Variants in MTO1 observed in about 807,000 individuals in gnomAD.
MTO1 encodes the protein mitochondrial tRNA translation optimization 1, also known as 5-taurinomethyluridine-[tRNA] synthase subunit MTO1, mitochondrial.
In MTO1, 46 loss-of-function variants were observed where a neutral mutation model predicts 71.6. That is an observed-to-expected ratio of 0.64 (90% CI 0.51 to 0.82). MTO1 has a LOEUF of 0.82. MTO1 is among the 40% of genes least tolerant of loss of function. The probability of loss-of-function intolerance (pLI) is 0.00; values close to 1 mark genes in which losing one functional copy is unlikely to be tolerated. For synonymous variants in MTO1, 297 were observed against 312.1 expected (o/e 0.95, Z 0.51); for missense variants, 773 against 867.5 (o/e 0.89, Z 1.37).
At chr6:73,477,220 A>C (rs1208847572) in intron 4 of MTO1, among the ~76,000 whole-genome samples, 3 of 150,618 alleles carry the variant, frequency 2.0e-5, no homozygotes, top group Non-Finnish European at 4.4e-5. Flanking sequence ...ATATGGTGAA[A>C]CCTCACCTCT....
chr6:73,494,665 C>T (rs892229896), intron 10 of MTO1, among the ~76,000 whole-genome samples: 51 of 149,292 alleles, frequency 3.4e-4, no homozygotes, highest in African/African-American at 1.2e-3. Flanking sequence ...TTAGTAGAGA[C>T]GGGGTTTCAC....
Position 73,502,326 on chromosome 6 carries a change from C to T in MTO1, c.*1591C>T, listed in dbSNP as rs146071223. 1,731 of 152,272 alleles carry T rather than the reference C, an allele frequency of 0.011. 8 individuals carry two copies. Among genetic ancestry groups the T allele is most frequent in the Middle Eastern group, 0.044 (13 of 294 alleles). The allele number at this position is 152,272 out of a possible 1,614,324, so 9.4% of individuals were successfully genotyped here. A position where few individuals can be genotyped will look rare whatever the true frequency, so the allele number is the denominator to read the frequency against. On this transcript the variant is annotated 3_prime_UTR_variant, in exon 12 of 12. Transcript: ENST00000498286. ...AGGCGTGGTGGAGCAAGCCTGTAGT[C>T]CCAGCTACTCAGGAGGCTGAGGCAG...
chr6:73,463,090 C>T (rs1350806565), intron 1 of MTO1, among the ~76,000 whole-genome samples: 2 of 150,418 alleles, frequency 1.3e-5, no homozygotes, highest in African/African-American at 2.5e-5. Context: ...GTGGCGCCAT[C>T]TCGGCTCACT....
chr6:73,504,164 C>G lies in MTO1; in HGVS notation c.*3429C>G, dbSNP rs1299359203. On this transcript the variant is annotated 3_prime_UTR_variant, in exon 12 of 12. Transcript: ENST00000498286. ...GTTTTTATTTAGAGACAAGATCTCACTCTGCCACCCTGGCTGGAGTGCAGT... is the reference window on the plus strand; with the variant it reads ...GTTTTTATTTAGAGACAAGATCTCAGTCTGCCACCCTGGCTGGAGTGCAGT... 5 of 152,386 alleles carry G rather than the reference C, an allele frequency of 3.3e-5. No individual in the cohort carries two copies. In the South Asian group the frequency reaches 1.0e-3, roughly 32 times the overall value. The allele number at this position is 152,386 out of a possible 1,614,324, so 9.4% of individuals were successfully genotyped here.
In MTO1 at chr6:73,500,839, G is replaced by A; in HGVS notation, c.*104G>A. On this transcript the variant is annotated 3_prime_UTR_variant, in exon 12 of 12. Transcript: ENST00000498286. Reference sequence around the variant, plus strand: ...GCACATGTTAAAATAGCTTTATTAGGTTACTATGGGTTTGCCATTAATTTC... The same window carrying A: ...GCACATGTTAAAATAGCTTTATTAGATTACTATGGGTTTGCCATTAATTTC... The A allele has an allele frequency of 1.0e-6, 1 of 986,342 alleles. No homozygotes were observed. The highest frequency in any genetic ancestry group is 1.4e-6 in the Non-Finnish European group (1 of 737,972). The allele number at this position is 986,342 out of a possible 1,614,324, so 61.1% of individuals were successfully genotyped here.
chr6:73,496,180 A>T (rs1009406456), intron 10 of MTO1, among the ~76,000 whole-genome samples: 3 of 152,220 alleles, frequency 2.0e-5, no homozygotes, highest in Middle Eastern at 3.2e-3. Context: ...CAGAGATGAG[A>T]TGTTCTGGCT....
chr6:73,466,916 A>T (rs1771015830), intron 3 of MTO1, among the ~76,000 whole-genome samples: 1 of 152,046 alleles, frequency 6.6e-6, no homozygotes, highest in African/African-American at 2.4e-5. Flanking sequence ...TTCTGACTTT[A>T]ATTTTTTAAA....
chr6:73,477,286 C>G (rs1484484903), intron 4 of MTO1, among the ~76,000 whole-genome samples: 1 of 148,266 alleles, frequency 6.7e-6, no homozygotes, highest in Non-Finnish European at 1.5e-5. Context: ...ATCCCAGCTA[C>G]TCAGGAGGCT....
rs1248846755 is a variant in MTO1, at chr6:73,467,923, C to G, written c.535+1317C>G. The stretch of plus-strand genomic sequence containing the variant: ...ACAACCTGAGCCTCCCGGGTTCAAG[C>G]GATTCTCCTGCCTCAGCCTCCTGAG... On this transcript the variant is annotated intron_variant, in intron 3 of 11. Transcript: ENST00000498286. 2.6e-5 allele frequency among the ~76,000 whole-genome samples: 4 copies of G among 152,186 alleles called. No homozygotes were observed. In the East Asian group the frequency reaches 5.8e-4, roughly 22 times the overall value.
intron 11 of MTO1, among the ~76,000 whole-genome samples, chr6:73,498,734 T>A (rs746937829): frequency 1.1e-4 from 17 of 152,020 alleles, no homozygotes; most frequent in Non-Finnish European, 4.4e-5. Context: ...ATTGCATCTT[T>A]TTTTTTTTTG....
chr6:73,509,187 ATCT>A lies in MTO1; in HGVS notation c.*8456_*8458del, dbSNP rs1433448154. On this transcript the variant is annotated 3_prime_UTR_variant, in exon 12 of 12. Coordinates refer to ENST00000498286, the MANE Select transcript of MTO1 (RefSeq NM_012123.4). The stretch of plus-strand genomic sequence containing the variant: ...GTATTTAACCTCTGAAAACCACACA[ATCT>A]TCTATACGCTTTTTTCACTGGAATA... 1 of 152,172 alleles carries A rather than the reference ATCT, an allele frequency of 6.6e-6. No homozygotes were observed. Among genetic ancestry groups the A allele is most frequent in the East Asian group, 1.9e-4 (1 of 5,196 alleles). 9.4% of individuals were successfully genotyped at this position (152,172 alleles called of 1,614,324 possible).
chr6:73,464,852 A>C (rs907025229), intron 1 of MTO1, among the ~76,000 whole-genome samples: 3 of 150,058 alleles, frequency 2.0e-5, no homozygotes, highest in African/African-American at 4.9e-5. Flanking sequence ...AAAAAAAAAA[A>C]AAAAAAAAAC....
chr6:73,479,029 C>T lies in MTO1; in HGVS notation c.826-703C>T, dbSNP rs542473662. On this transcript the variant is annotated intron_variant, in intron 4 of 11. Coordinates refer to ENST00000498286, the MANE Select transcript of MTO1 (RefSeq NM_012123.4). ...TCAGCCTCCCGAGTAGCTGGGATTA[C>T]AGGCACCCGCCACCATGCCCAGCTA... Among the ~76,000 whole-genome samples the T allele has an allele frequency of 3.6e-3, 549 of 151,374 alleles. 4 individuals carry two copies. The highest frequency in any genetic ancestry group is 0.013 in the African/African-American group (523 of 41,342).
intron 8 of MTO1, 102 bp from the exon 9 acceptor site, chr6:73,482,347 A>G: frequency 6.5e-7 from 1 of 1,545,966 alleles, no homozygotes; most frequent in African/African-American, 1.4e-5. Flanking sequence ...TGAGGCCAGG[A>G]GTTTAGGACT....
chr6:73,473,277 CAGAT>C lies in MTO1; in HGVS notation c.536-66_536-63del, dbSNP rs138624045. On this transcript the variant is annotated intron_variant, in intron 3 of 11. Coordinates refer to ENST00000498286, the MANE Select transcript of MTO1 (RefSeq NM_012123.4). ...CTGGCGATAGAGTGAGACTTCATCTCAGATAGATAGATAGATAGATAGATACATA... is the reference window on the plus strand; with the variant it reads ...CTGGCGATAGAGTGAGACTTCATCTCAGATAGATAGATAGATAGATACATA... 10,809 of 1,276,850 alleles carry C rather than the reference CAGAT, an allele frequency of 8.5e-3. 556 individuals carry two copies. The African/African-American group carries it at 0.13, about 15-fold the overall frequency. The allele number at this position is 1,276,850 out of a possible 1,614,324, so 79.1% of individuals were successfully genotyped here. A position where few individuals can be genotyped will look rare whatever the true frequency, so the allele number is the denominator to read the frequency against.
chr6:73,500,315 C>CT (rs1561955697), intron 11 of MTO1, among the ~76,000 whole-genome samples: 1 of 152,164 alleles, frequency 6.6e-6, no homozygotes, highest in Non-Finnish European at 1.5e-5. Context: ...AGTAGATACT[C>CT]TAACATCTAT....
intron 4 of MTO1, among the ~76,000 whole-genome samples, chr6:73,479,202 A>C (rs187772581): frequency 0.012 from 1,810 of 151,682 alleles, 47 homozygotes; most frequent in African/African-American, 0.041. Flanking sequence ...CTTTTTTAAA[A>C]AAGTAACCAT....
At position 73,504,574 on chromosome 6, in the gene MTO1, A is replaced by G. The variant is rs967888838; in HGVS notation, c.*3839A>G. 2.0e-5 allele frequency: 3 copies of G among 152,248 alleles called. No homozygotes were observed. The highest frequency in any genetic ancestry group is 6.5e-5 in the Admixed American group (1 of 15,280). The allele number at this position is 152,248 out of a possible 1,614,324, so 9.4% of individuals were successfully genotyped here. A position where few individuals can be genotyped will look rare whatever the true frequency, so the allele number is the denominator to read the frequency against. On this transcript the variant is annotated 3_prime_UTR_variant, in exon 12 of 12. Coordinates refer to ENST00000498286, the MANE Select transcript of MTO1 (RefSeq NM_012123.4). The stretch of plus-strand genomic sequence containing the variant: ...CAAGAAATGGTATTACTAAAACTCA[A>G]GTGAATAATTAAATGAGATCAAAAT...
intron 6 of MTO1, chr6:73,480,404 G>T: frequency 1.6e-6 from 1 of 632,302 alleles, no homozygotes; most frequent in Non-Finnish European, 2.9e-6. Flanking sequence ...CTGAGTAACT[G>T]GGATTACAGG....
Sources: allele counts gnomAD v4.1 joint callset (sites outside exome capture counted in the v4.1 genomes callset), GRCh38; gene constraint gnomAD v4.1.1; transcripts MANE v1.5; gene names NCBI Gene and HGNC (gene_info 2026-07-23, HGNC 2026-07-21).